PPP2R1B: variants seen among roughly 807,000 people sequenced by gnomAD.
PPP2R1B encodes the protein protein phosphatase 2 scaffold subunit Abeta.
PPP2R1B carries 58 observed loss-of-function variants against 72.7 expected under a neutral mutation model. That is an observed-to-expected ratio of 0.80 (90% CI 0.65 to 0.99). PPP2R1B has a LOEUF of 0.99. Ranked by LOEUF, PPP2R1B falls within the 50% of genes least tolerant of loss-of-function variation. The pLI, the probability that PPP2R1B is intolerant of heterozygous loss-of-function variation, is 0.00. For synonymous variants in PPP2R1B, 256 were observed against 264.6 expected (o/e 0.97, Z 0.32); for missense variants, 695 against 733.6 (o/e 0.95, Z 0.61).
In PPP2R1B at chr11:111,739,487, A is replaced by C; in HGVS notation, c.*2109T>G. ...GAAACAATGAAACCCCTGAGGGGTC[A>C]CCACAAAAGACAGAGGCCCCGCTGA... On this transcript the variant is annotated 3_prime_UTR_variant, in exon 15 of 15. Transcript: ENST00000527614. 1.0e-6 allele frequency: 1 copy of C among 985,448 alleles called. No individual in the cohort carries two copies. Among genetic ancestry groups the C allele is most frequent in the Non-Finnish European group, 1.2e-6 (1 of 829,952 alleles). 61.0% of individuals were successfully genotyped at this position (985,448 alleles called of 1,614,324 possible). A position where few individuals can be genotyped will look rare whatever the true frequency, so the allele number is the denominator to read the frequency against.
chr11:111,723,814 G>A (rs758453745), downstream of PPP2R1B: 18 of 1,612,550 alleles, frequency 1.1e-5, no homozygotes, highest in Non-Finnish European at 1.5e-5. Context: ...AGCAGCAGCA[G>A]CCGCCACCGC....
chr11:111,727,009 G>C, exon 16 of PPP2R1B: 1 of 1,614,172 alleles, frequency 6.2e-7, no homozygotes, highest in East Asian at 2.2e-5. Flanking sequence ...GCAATTCCCA[G>C]CTGGGCAAGT....
intron 10 of PPP2R1B, among the ~76,000 whole-genome samples, chr11:111,749,257 T>C (rs372172765): frequency 3.5e-4 from 53 of 152,202 alleles, no homozygotes; most frequent in African/African-American, 1.3e-3. Context: ...TCAGTTTTAA[T>C]TAACTTTTAT....
chr11:111,758,766 C>T (rs569670370), intron 5 of PPP2R1B, among the ~76,000 whole-genome samples: 2 of 152,188 alleles, frequency 1.3e-5, no homozygotes, highest in African/African-American at 4.8e-5. Flanking sequence ...AAAGTGATGT[C>T]TCCTATCATA....
At chr11:111,753,105 T>C (rs1944973171) in intron 9 of PPP2R1B, among the ~76,000 whole-genome samples, 1 of 152,200 alleles carries the variant, frequency 6.6e-6, no homozygotes, top group South Asian at 2.1e-4. Flanking sequence ...CAGTAAATAT[T>C]AGGTATCATT....
chr11:111,727,528 A>AC (rs149149672), intron 15 of PPP2R1B: 3,488 of 164,512 alleles, frequency 0.021, 49 homozygotes, highest in Middle Eastern at 0.063. Context: ...GCAAGGGGGG[A>AC]CCCCCCCTGT....
In PPP2R1B at chr11:111,740,651, T is replaced by C. The variant is rs1444902676; in HGVS notation, c.*945A>G. ...GATAAGACTCCAGTATCACCCATACTAAAAACTTAGCAATAAAACTGCAGT... is the reference window on the plus strand; with the variant it reads ...GATAAGACTCCAGTATCACCCATACCAAAAACTTAGCAATAAAACTGCAGT... On this transcript the variant is annotated 3_prime_UTR_variant, in exon 15 of 15. Transcript: ENST00000527614. The C allele has an allele frequency of 2.0e-6, 2 of 985,220 alleles. No individual in the cohort carries two copies. The highest frequency in any genetic ancestry group is 4.7e-5 in the South Asian group (1 of 21,290). 61.0% of individuals were successfully genotyped at this position (985,220 alleles called of 1,614,324 possible). A position where few individuals can be genotyped will look rare whatever the true frequency, so the allele number is the denominator to read the frequency against.
rs1201525939 is a variant in PPP2R1B, at chr11:111,766,232, G to A, written c.114+16C>T. 1.9e-6 allele frequency: 3 copies of A among 1,612,882 alleles called. No homozygotes were observed. The highest frequency in any genetic ancestry group is 2.7e-5 in the African/African-American group (2 of 74,864). Reference sequence around the variant, plus strand: ...CCAGCCGGTCTCGCCTCGGGTCCCCGGCCTCAGTCCAGTACCTGCACGTCT... The same window carrying A: ...CCAGCCGGTCTCGCCTCGGGTCCCCAGCCTCAGTCCAGTACCTGCACGTCT... On this transcript the variant is annotated intron_variant, in intron 1 of 14. Transcript: ENST00000527614.
At chr11:111,693,483 A>G in the PPP2R1B span, among the ~76,000 whole-genome samples, 1 of 152,222 alleles carries the variant, frequency 6.6e-6, no homozygotes, top group African/African-American at 2.4e-5. Context: ...ACTGGCTTTC[A>G]GTAGTTTTAG....
chr11:111,715,793 C>CTTTTTTTT, the PPP2R1B span, among the ~76,000 whole-genome samples: 61 of 81,600 alleles, frequency 7.5e-4, no homozygotes, highest in Non-Finnish European at 8.7e-4. Flanking sequence ...TCATTTTTAG[C>CTTTTTTTT]TTTTTTTTTT....
intron 3 of PPP2R1B, among the ~76,000 whole-genome samples, chr11:111,764,013 A>G (rs782400079): frequency 6.6e-6 from 1 of 151,690 alleles, no homozygotes; most frequent in African/African-American, 2.4e-5. Flanking sequence ...ACCTTGTCCA[A>G]CTGTTGAATT....
chr11:111,752,214 T>G lies in PPP2R1B; in HGVS notation c.1283A>C (p.Lys428Thr). Residue 428 changes from lysine to threonine, a missense_variant, in exon 10 of 15, where the codon AAA becomes ACA. Transcript: ENST00000527614. ...PAIVELAEDA[K>T]WRVRLAIIEY... The stretch of plus-strand genomic sequence containing the variant: ...AATGATGGCCAGGCGGACCCTCCAT[T>G]TGGCATCTTCTGCCAGCTCCACTAT... 6.2e-7 allele frequency: 1 copy of G among 1,614,050 alleles called. No homozygotes were observed. The highest frequency in any genetic ancestry group is 8.5e-7 in the Non-Finnish European group (1 of 1,179,992).
chr11:111,742,945 T>A (rs1302696526), intron 12 of PPP2R1B, among the ~76,000 whole-genome samples: 1 of 151,768 alleles, frequency 6.6e-6, no homozygotes, highest in Middle Eastern at 3.2e-3. Flanking sequence ...AGTGGCGCGA[T>A]CTCAGCTCAC....
In PPP2R1B at chr11:111,740,342, T is replaced by C; in HGVS notation, c.*1254A>G. ...AAGCAATTCTCCTGCCTCAGCCTCC[T>C]GAGTAGCTGGGACTACAGGTGTGTG... On this transcript the variant is annotated 3_prime_UTR_variant, in exon 15 of 15. Transcript: ENST00000527614. 1 of 863,526 alleles carries C rather than the reference T, an allele frequency of 1.2e-6. No individual in the cohort carries two copies. Among genetic ancestry groups the C allele is most frequent in the South Asian group, 5.3e-5 (1 of 18,746 alleles). 53.5% of individuals were successfully genotyped at this position (863,526 alleles called of 1,614,324 possible). A position where few individuals can be genotyped will look rare whatever the true frequency, so the allele number is the denominator to read the frequency against.
intron 3 of PPP2R1B, among the ~76,000 whole-genome samples, chr11:111,762,795 C>T (rs1186096945): frequency 6.6e-6 from 1 of 152,096 alleles, no homozygotes; most frequent in Admixed American, 6.6e-5. Flanking sequence ...GCTGCTTTGG[C>T]CTCCCAAGGC....
downstream of PPP2R1B, chr11:111,737,752 G>A: frequency 1.5e-6 from 2 of 1,330,726 alleles, no homozygotes; most frequent in Non-Finnish European, 2.0e-6. Flanking sequence ...TCGTGCTGAG[G>A]TGCCTTTCCC....
At chr11:111,735,351 GTTGT>G (rs1944308623), downstream of PPP2R1B, 1 of 152,234 alleles carries the variant, frequency 6.6e-6, no homozygotes, top group Non-Finnish European at 1.5e-5. Flanking sequence ...TGACATCACT[GTTGT>G]CAGGGAAATG....
downstream of PPP2R1B, chr11:111,735,348 ACT>A (rs1944308551): frequency 6.6e-6 from 1 of 152,200 alleles, no homozygotes; most frequent in Non-Finnish European, 1.5e-5. Context: ...GACTGACATC[ACT>A]GTTGTCAGGG....
downstream of PPP2R1B, chr11:111,737,698 A>C: frequency 1.3e-6 from 2 of 1,494,312 alleles, no homozygotes; most frequent in East Asian, 4.6e-5. Context: ...AGCAGCCTAC[A>C]AGTATATGGG....
Sources: gnomAD v4.1 joint callset for allele counts (sites outside exome capture counted in the v4.1 genomes callset) on GRCh38, gnomAD v4.1.1 for gene constraint, MANE v1.5 for transcripts, NCBI Gene and HGNC (gene_info 2026-07-23, HGNC 2026-07-21) for gene names.